The following NRG1 variants were observed in gnomAD, a reference collection of about 807,000 sequenced individuals.
The protein encoded by NRG1 is pro-neuregulin-1, membrane-bound isoform.
A neutral mutation model predicts 63.8 loss-of-function variants in NRG1; 18 were observed. The observed-to-expected ratio is 0.28, with a 90% CI of 0.19 to 0.42. NRG1 has a LOEUF of 0.42. Among genes scored for constraint, NRG1 ranks in the 10% least tolerant of loss-of-function variants. The pLI is 1.00. For missense variants in NRG1, 762 were observed against 814.7 expected (o/e 0.94, Z 0.79); for synonymous variants, 302 against 301.3 (o/e 1.00, Z -0.02).
intron 1 of NRG1, among the ~76,000 whole-genome samples, chr8:31,892,246 G>A (rs1379747830): frequency 6.6e-6 from 1 of 152,132 alleles, no homozygotes; most frequent in Non-Finnish European, 1.5e-5. Flanking sequence ...AGTTGATCAA[G>A]CTGCTCTTAG....
intron 1 of NRG1, among the ~76,000 whole-genome samples, chr8:32,233,431 C>G (rs1393379896): frequency 6.7e-6 from 1 of 150,190 alleles, no homozygotes; most frequent in African/African-American, 2.4e-5. Context: ...AAATAAATAC[C>G]AATAATGTAC....
intron 1 of NRG1, among the ~76,000 whole-genome samples, chr8:31,791,408 A>G (rs1264034994): frequency 2.0e-5 from 3 of 152,142 alleles, no homozygotes; most frequent in African/African-American, 7.2e-5. Context: ...ACTGTCTGCT[A>G]TATTAACACC....
chr8:31,897,895 CTGT>C (rs1831715783), intron 1 of NRG1, among the ~76,000 whole-genome samples: 1 of 150,768 alleles, frequency 6.6e-6, no homozygotes, highest in African/African-American at 2.4e-5. Context: ...TGGTGGGTGC[CTGT>C]AATCTCAGCT....
chr8:32,683,591 T>TAAAACAGGCTC (rs1809287820), intron 5 of NRG1, among the ~76,000 whole-genome samples: 1 of 152,118 alleles, frequency 6.6e-6, no homozygotes, highest in Non-Finnish European at 1.5e-5. Context: ...GAGCCTGCAA[T>TAAAACAGGCTC]TCTGCCAGGA....
chr8:32,128,786 A>G (rs926654703), intron 1 of NRG1, among the ~76,000 whole-genome samples: 1 of 151,942 alleles, frequency 6.6e-6, no homozygotes, highest in Non-Finnish European at 1.5e-5. Context: ...ATTCCTTAAG[A>G]AACTGTCAAA....
At chr8:31,639,513 GCT>G in intron 1 of NRG1, 1 of 1,514,180 alleles carries the variant, frequency 6.6e-7, no homozygotes, top group Non-Finnish European at 8.8e-7. Flanking sequence ...CGCCTCCAGG[GCT>G]CTCTCCCTCG....
At chr8:32,733,136 T>C (rs77532425) in intron 6 of NRG1, among the ~76,000 whole-genome samples, 5,462 of 152,228 alleles carry the variant, frequency 0.036, 342 homozygotes, top group African/African-American at 0.13. Context: ...TTTATTTTAC[T>C]TAAGAGTAGC....
At chr8:32,704,603 CA>C (rs1815857516) in intron 5 of NRG1, among the ~76,000 whole-genome samples, 1 of 152,104 alleles carries the variant, frequency 6.6e-6, no homozygotes, top group African/African-American at 2.4e-5. Context: ...CTTGGTTTCC[CA>C]AGGCTCAAGA....
chr8:32,660,960 A>G (rs1182835798), intron 5 of NRG1, among the ~76,000 whole-genome samples: 2 of 152,202 alleles, frequency 1.3e-5, no homozygotes, highest in Admixed American at 6.5e-5. Context: ...TGACACAGCT[A>G]TGGATGTGCT....
intron 5 of NRG1, among the ~76,000 whole-genome samples, chr8:32,629,742 A>G (rs1325797425): frequency 6.6e-6 from 1 of 152,100 alleles, no homozygotes; most frequent in Non-Finnish European, 1.5e-5. Flanking sequence ...TTTCATGGTA[A>G]TTTATAAAAA....
intron 1 of NRG1, among the ~76,000 whole-genome samples, chr8:31,951,632 T>C (rs1312872176): frequency 1.3e-5 from 2 of 152,196 alleles, no homozygotes; most frequent in Admixed American, 6.5e-5. Flanking sequence ...GCAGTGTCAC[T>C]GCCATGCTAG....
chr8:32,705,861 T>A (rs930796938), intron 5 of NRG1, among the ~76,000 whole-genome samples: 1 of 152,228 alleles, frequency 6.6e-6, no homozygotes, highest in Non-Finnish European at 1.5e-5. Flanking sequence ...TTGAAAAACA[T>A]TTCCTACATG....
chr8:31,831,248 C>T (rs1825129430), intron 1 of NRG1, among the ~76,000 whole-genome samples: 1 of 151,986 alleles, frequency 6.6e-6, no homozygotes, highest in African/African-American at 2.4e-5. Flanking sequence ...ATTACAGGCA[C>T]ACACCACCAT....
chr8:31,853,797 A>G (rs909147974), intron 1 of NRG1, among the ~76,000 whole-genome samples: 3 of 151,910 alleles, frequency 2.0e-5, no homozygotes, highest in Admixed American at 1.3e-4. Flanking sequence ...TCGATACCTA[A>G]TTTGTTGAGA....
chr8:31,916,224 A>G (rs1563561688), intron 1 of NRG1, among the ~76,000 whole-genome samples: 1 of 151,742 alleles, frequency 6.6e-6, no homozygotes, highest in Non-Finnish European at 1.5e-5. Context: ...TTTTTTTATT[A>G]TTATACTTTA....
chr8:32,356,252 A>G (rs1806372253), intron 1 of NRG1, among the ~76,000 whole-genome samples: 1 of 152,248 alleles, frequency 6.6e-6, no homozygotes. Flanking sequence ...TTCCATTTCC[A>G]GTCTCACTTT....
intron 1 of NRG1, among the ~76,000 whole-genome samples, chr8:32,030,952 C>T (rs763098537): frequency 4.6e-5 from 7 of 152,096 alleles, no homozygotes; most frequent in Non-Finnish European, 1.0e-4. Flanking sequence ...AAGATACTTC[C>T]CCAGGTCAAC....
At chr8:31,744,329 G>T (rs1352729744) in intron 1 of NRG1, among the ~76,000 whole-genome samples, 1 of 152,024 alleles carries the variant, frequency 6.6e-6, no homozygotes, top group Non-Finnish European at 1.5e-5. Flanking sequence ...CGCTGTGCCA[G>T]TATACATGAA....
intron 1 of NRG1, among the ~76,000 whole-genome samples, chr8:31,820,994 G>C (rs1055910021): frequency 1.3e-5 from 2 of 152,094 alleles, no homozygotes; most frequent in African/African-American, 2.4e-5. Flanking sequence ...TCTAGTCTCT[G>C]ATATAAAATG....
Sources: gnomAD v4.1 joint callset for allele counts (sites outside exome capture counted in the v4.1 genomes callset) on GRCh38, gnomAD v4.1.1 for gene constraint, MANE v1.5 for transcripts, NCBI Gene and HGNC (gene_info 2026-07-23, HGNC 2026-07-21) for gene names.